The following MED22 variants were observed in gnomAD, a reference collection of about 807,000 sequenced individuals.
The protein encoded by MED22 is mediator of RNA polymerase II transcription subunit 22.
Under a neutral mutation model 22.7 loss-of-function variants are expected in MED22, and 22 were observed. The observed-to-expected ratio is 0.97, with a 90% CI of 0.69 to 1.38. MED22 has a LOEUF of 1.38. Ranked by LOEUF, MED22 falls within the 40% of genes most tolerant of loss-of-function variation. The pLI, the probability that MED22 is intolerant of heterozygous loss-of-function variation, is 0.00. For synonymous variants in MED22, 134 were observed against 119.4 expected (o/e 1.12, Z -0.80); for missense variants, 247 against 263.0 (o/e 0.94, Z 0.42).
chr9:133,343,411 G>GC lies in MED22; in HGVS notation c.413+713dup, dbSNP rs2129956635. 9.8e-6 allele frequency: 12 copies of GC among 1,225,404 alleles called. No individual in the cohort carries two copies. The South Asian group carries it at 2.9e-4, about 30-fold the overall frequency. 75.9% of individuals were successfully genotyped at this position (1,225,404 alleles called of 1,614,324 possible). A position where few individuals can be genotyped will look rare whatever the true frequency, so the allele number is the denominator to read the frequency against. On this transcript the variant is annotated intron_variant, in intron 4 of 4. Transcript: ENST00000343730. Reference sequence around the variant, plus strand: ...GATACGTAGACTCTGATTTCTCAGGGCCCCTCCAGCTCAAACGGTCGAAGG... The same window carrying GC: ...GATACGTAGACTCTGATTTCTCAGGGCCCCCTCCAGCTCAAACGGTCGAAGG...
rs1043499884 is a variant in MED22 at position 133,346,667 on chromosome 9, G to A, written c.-5C>T. The A allele has an allele frequency of 3.7e-6, 6 of 1,610,658 alleles. No individual in the cohort carries two copies. In the African/African-American group the frequency reaches 4.0e-5, roughly 11 times the overall value. On this transcript the variant is annotated 5_prime_UTR_variant, in exon 2 of 5. Coordinates refer to ENST00000343730, the MANE Select transcript of MED22 (RefSeq NM_133640.5). ...CAGGGCTCTCTGCTGGGCCATGGCCGAGCCTCAAGCAGCGCAGCGGGGAGA... is the reference window on the plus strand; with the variant it reads ...CAGGGCTCTCTGCTGGGCCATGGCCAAGCCTCAAGCAGCGCAGCGGGGAGA...
rs2129943287 is a variant in MED22, at chr9:133,339,613, CGAA to C, written c.*1889_*1891del. On this transcript the variant is annotated 3_prime_UTR_variant, in exon 5 of 5. Coordinates refer to ENST00000343730, the MANE Select transcript of MED22 (RefSeq NM_133640.5). ...CATCCATTCTGGTTGTGGTGATGGA[CGAA>C]GGAGAATGTGCTCAGAGAGGCAAAC... The C allele has an allele frequency of 1.7e-5, 7 of 415,604 alleles. No homozygotes were observed. The highest frequency in any genetic ancestry group is 4.1e-5 in the African/African-American group (2 of 48,616). The allele number at this position is 415,604 out of a possible 1,614,324, so 25.7% of individuals were successfully genotyped here. A position where few individuals can be genotyped will look rare whatever the true frequency, so the allele number is the denominator to read the frequency against.
At chr9:133,343,347 G>C in intron 4 of MED22, 2 of 1,230,494 alleles carry the variant, frequency 1.6e-6, no homozygotes, top group South Asian at 8.5e-5. Flanking sequence ...AGAGTGGAAG[G>C]CCTCCCTGTC....
At chr9:133,342,129 T>C (rs2129952139) in intron 4 of MED22, 4 of 1,018,844 alleles carry the variant, frequency 3.9e-6, no homozygotes, top group South Asian at 7.2e-5. Flanking sequence ...GACTGTGTTC[T>C]TTCTGGGTCT....
Position 133,338,324 on chromosome 9 carries a change from A to C in MED22, c.*3181T>G, listed in dbSNP as rs1471845186. 6.7e-6 allele frequency: 1 copy of C among 148,226 alleles called. No homozygotes were observed. The highest frequency in any genetic ancestry group is 1.5e-5 in the Non-Finnish European group (1 of 67,596). The allele number at this position is 148,226 out of a possible 1,614,324, so 9.2% of individuals were successfully genotyped here. On this transcript the variant is annotated 3_prime_UTR_variant, in exon 5 of 5. Coordinates refer to ENST00000343730, the MANE Select transcript of MED22 (RefSeq NM_133640.5). ...TTTTTCTTTTTTCTTTTTTTTTTTG[A>C]GGTGGAGTTTCGCTCTTGTTGCCCA...
intron 4 of MED22, chr9:133,342,873 A>G (rs1836053655): frequency 1.0e-6 from 1 of 985,388 alleles, no homozygotes; most frequent in Non-Finnish European, 1.2e-6. Flanking sequence ...TCCCTGCCCC[A>G]AGGCAAGGCA....
Position 133,339,020 on chromosome 9 carries a change from AC to A in MED22, c.*2484del, listed in dbSNP as rs1835951563. 2 of 834,000 alleles carry A rather than the reference AC, an allele frequency of 2.4e-6. No individual in the cohort carries two copies. Among genetic ancestry groups the A allele is most frequent in the Admixed American group, 1.8e-5 (1 of 56,696 alleles). The allele number at this position is 834,000 out of a possible 1,614,324, so 51.7% of individuals were successfully genotyped here. A position where few individuals can be genotyped will look rare whatever the true frequency, so the allele number is the denominator to read the frequency against. ...GAACACAAAGGGAAAGAGGAGAGGC[AC>A]CCAATATATGTTCTCTAGGCCTTTC... On this transcript the variant is annotated 3_prime_UTR_variant, in exon 5 of 5. Coordinates refer to ENST00000343730, the MANE Select transcript of MED22 (RefSeq NM_133640.5).
intron 4 of MED22, chr9:133,343,171 G>C (rs1203233990): frequency 1.9e-6 from 2 of 1,069,468 alleles, no homozygotes; most frequent in Non-Finnish European, 2.3e-6. Flanking sequence ...CCAAGCCCCA[G>C]GTCATGCTGG....
At position 133,346,672 on chromosome 9, in the gene MED22, T is replaced by C. The variant is rs1274854012; in HGVS notation, c.-10A>G. ...CTCTCTGCTGGGCCATGGCCGAGCC[T>C]CAAGCAGCGCAGCGGGGAGACCTGG... On this transcript the variant is annotated 5_prime_UTR_variant, in exon 2 of 5. Coordinates refer to ENST00000343730, the MANE Select transcript of MED22 (RefSeq NM_133640.5). The C allele has an allele frequency of 6.2e-7, 1 of 1,610,360 alleles. No homozygotes were observed.
chr9:133,346,693 C>T lies in MED22; in HGVS notation c.-31G>A, dbSNP rs1172026380. ...AGCCTCAAGCAGCGCAGCGGGGAGACCTGGGACCTAGAGTGCAGCACAGAC... is the reference window on the plus strand; with the variant it reads ...AGCCTCAAGCAGCGCAGCGGGGAGATCTGGGACCTAGAGTGCAGCACAGAC... On this transcript the variant is annotated 5_prime_UTR_variant, in exon 2 of 5. Coordinates refer to ENST00000343730, the MANE Select transcript of MED22 (RefSeq NM_133640.5). 1 of 1,606,754 alleles carries T rather than the reference C, an allele frequency of 6.2e-7. No homozygotes were observed. Among genetic ancestry groups the T allele is most frequent in the Non-Finnish European group, 8.5e-7 (1 of 1,179,392 alleles).
At position 133,340,783 on chromosome 9, in the gene MED22, TGAG is replaced by T. The variant is rs1376118525; in HGVS notation, c.*719_*721del. On this transcript the variant is annotated 3_prime_UTR_variant, in exon 5 of 5. Transcript: ENST00000343730. ...ATACTGGGGACCTACCAGGTGCCAA[TGAG>T]GAGAGAGTGACCTTGGGCCAGGCTG... is the stretch of plus-strand genomic sequence containing the variant. The T allele has an allele frequency of 6.6e-5, 10 of 152,310 alleles. No homozygotes were observed. The highest frequency in any genetic ancestry group is 1.3e-4 in the Admixed American group (2 of 15,294). The allele number at this position is 152,310 out of a possible 1,614,324, so 9.4% of individuals were successfully genotyped here.
rs2129961213 is a variant in MED22, at chr9:133,344,280, C to T, written c.258G>A (p.Leu86=). ...MKLVSDLKQF[L]ILNDFPSVNE... is the part of the protein sequence containing the mutation. ...TCACGGAGGGGAAGTCATTGAGGATCAGGAACTGCTTGAGGTCGGACACCA... is the reference window on the plus strand; with the variant it reads ...TCACGGAGGGGAAGTCATTGAGGATTAGGAACTGCTTGAGGTCGGACACCA... The change falls in exon 4 of 5, where the codon CTG becomes CTA. Residue 86 remains leucine (L), a synonymous_variant. Coordinates refer to ENST00000343730, the MANE Select transcript of MED22 (RefSeq NM_133640.5). 2.5e-6 allele frequency: 4 copies of T among 1,614,192 alleles called. No individual in the cohort carries two copies. The highest frequency in any genetic ancestry group is 2.5e-6 in the Non-Finnish European group (3 of 1,180,042).
chr9:133,345,428 C>A (rs1836153257), intron 2 of MED22, among the ~76,000 whole-genome samples, 176 bp from the exon 3 acceptor site: 1 of 152,198 alleles, frequency 6.6e-6, no homozygotes, highest in African/African-American at 2.4e-5. Context: ...TGACAAGGTT[C>A]AATTCCACCC....
Position 133,346,708 on chromosome 9 carries a change from G to GC in MED22, c.-38-9dup, listed in dbSNP as rs2129969868. On this transcript the variant is annotated splice_polypyrimidine_tract_variant and intron_variant, in intron 1 of 4. Transcript: ENST00000343730. ...AGCGGGGAGACCTGGGACCTAGAGTGCAGCACAGACCTCTGAGTGCAGGCA... is the reference window on the plus strand; with the variant it reads ...AGCGGGGAGACCTGGGACCTAGAGTGCCAGCACAGACCTCTGAGTGCAGGCA... The GC allele has an allele frequency of 6.2e-7, 1 of 1,601,760 alleles. No homozygotes were observed. The highest frequency in any genetic ancestry group is 1.7e-5 in the Admixed American group (1 of 59,746).
At chr9:133,341,838 C>T in intron 4 of MED22, 144 bp from the exon 5 acceptor site, 2 of 1,411,892 alleles carry the variant, frequency 1.4e-6, no homozygotes, top group Non-Finnish European at 1.8e-6. Context: ...CCTGCTCCAT[C>T]TGTCCCCTGA....
rs2129975938 is a variant in MED22 at position 133,348,071 on chromosome 9, G to C, written c.-188C>G. The C allele has an allele frequency of 2.7e-5, 25 of 935,482 alleles. No homozygotes were observed. In the East Asian group the frequency reaches 3.7e-4, roughly 14 times the overall value. 57.9% of individuals were successfully genotyped at this position (935,482 alleles called of 1,614,324 possible). On this transcript the variant is annotated 5_prime_UTR_variant, in exon 1 of 5. Coordinates refer to ENST00000343730, the MANE Select transcript of MED22 (RefSeq NM_133640.5). ...TCTCTTCCCCGCCGCGCCGCGGTCC[G>C]AAAACCTAGTCAGCCGCCGCAGCCT...
chr9:133,344,512 GA>G (rs1275500985), intron 3 of MED22, among the ~76,000 whole-genome samples, 179 bp from the exon 4 acceptor site: 1 of 152,196 alleles, frequency 6.6e-6, no homozygotes, highest in Admixed American at 6.5e-5. Context: ...AGAAAACTGG[GA>G]TGTCAGTTCT....
rs967324495 is a variant in MED22, at chr9:133,344,060, G to A, written c.413+65C>T. 2.5e-6 allele frequency: 4 copies of A among 1,600,134 alleles called. No individual in the cohort carries two copies. In the African/African-American group the frequency reaches 4.0e-5, roughly 16 times the overall value. ...ATTTGAAAAAGCAGAAGGCAGCCCT[G>A]CCTGCTGGCCAGGCCCAGGTAGGCA... On this transcript the variant is annotated intron_variant, in intron 4 of 4. Coordinates refer to ENST00000343730, the MANE Select transcript of MED22 (RefSeq NM_133640.5).
intron 4 of MED22, chr9:133,342,924 G>A (rs2119060093): frequency 3.0e-6 from 3 of 985,740 alleles, no homozygotes; most frequent in Non-Finnish European, 3.6e-6. Flanking sequence ...CTGTGCAGGG[G>A]CCCTCAGGGA....
Sources: allele counts gnomAD v4.1 joint callset (sites outside exome capture counted in the v4.1 genomes callset), GRCh38; gene constraint gnomAD v4.1.1; transcripts MANE v1.5; gene names NCBI Gene and HGNC (gene_info 2026-07-23, HGNC 2026-07-21).